QTRT1: variants seen among roughly 807,000 people sequenced by gnomAD.
QTRT1 encodes the protein queuine tRNA-ribosyltransferase catalytic subunit 1.
A neutral mutation model predicts 44.0 loss-of-function variants in QTRT1; 41 were observed. That is an observed-to-expected ratio of 0.93 (90% CI 0.73 to 1.21). QTRT1 has a LOEUF of 1.21. Among genes scored for constraint, QTRT1 ranks in the 50% most tolerant of loss-of-function variants. The probability of loss-of-function intolerance (pLI) is 0.00; values close to 1 mark genes in which losing one functional copy is unlikely to be tolerated. For missense variants in QTRT1, 542 were observed against 575.8 expected, an observed-to-expected ratio of 0.94 and a Z score of 0.60; for synonymous variants, 226 against 237.1, an observed-to-expected ratio of 0.95 and a Z score of 0.43.
At position 10,702,028 on chromosome 19, in the gene QTRT1, G is replaced by C. The variant is rs770902752; in HGVS notation, c.312+10G>C. On this transcript the variant is annotated intron_variant, in intron 2 of 9. Coordinates refer to ENST00000250237, the MANE Select transcript of QTRT1 (RefSeq NM_031209.3). Reference sequence around the variant, plus strand: ...TCATAATCTGCTAACGGTGAGCTGAGGAGAGAGCCGACGTTCTAGGGCCCT... The same window carrying C: ...TCATAATCTGCTAACGGTGAGCTGACGAGAGAGCCGACGTTCTAGGGCCCT... 1 of 1,614,100 alleles carries C rather than the reference G, an allele frequency of 6.2e-7. No individual in the cohort carries two copies.
chr19:10,703,618 A>T (rs2068699895), intron 3 of QTRT1, among the ~76,000 whole-genome samples: 1 of 152,028 alleles, frequency 6.6e-6, no homozygotes, highest in Non-Finnish European at 1.5e-5. Context: ...CTCCTGGTTC[A>T]AGCAATTCGC....
Position 10,710,551 on chromosome 19 carries a change from G to A in QTRT1, c.647-1610G>A, listed in dbSNP as rs552583775. On this transcript the variant is annotated intron_variant, in intron 5 of 9. Transcript: ENST00000250237. ...AGGCTGGTCTCGAACTCCTGACCTC[G>A]TGATCCACCTGCCTTGGCCTCCCAA... Among the ~76,000 whole-genome samples, 4 of 152,100 alleles carry A rather than the reference G, an allele frequency of 2.6e-5. No individual in the cohort carries two copies. In the East Asian group the frequency reaches 5.8e-4, roughly 22 times the overall value.
rs2068719435 is a variant in QTRT1, at chr19:10,707,506, C to T, written c.537C>T (p.Ile179=). 6.2e-7 allele frequency: 1 copy of T among 1,611,602 alleles called. No individual in the cohort carries two copies. Reference sequence around the variant, plus strand: ...GACTGGGGCCCTGTTGCAGGTCAATCCGCTGGCTGGACCGGTGCATTGCAG... The same window carrying T: ...GACTGGGGCCCTGTTGCAGGTCAATTCGCTGGCTGGACCGGTGCATTGCAG... ...PRVEEAMYRS[I]RWLDRCIAAH... is the part of the protein sequence containing the mutation. The change falls in exon 5 of 10, where the codon ATC becomes ATT. Residue 179 remains isoleucine, a synonymous_variant. Transcript: ENST00000250237.
rs958489850 is a variant in QTRT1 at position 10,701,854 on chromosome 19, G to A, written c.244-96G>A. On this transcript the variant is annotated intron_variant, in intron 1 of 9. Coordinates refer to ENST00000250237, the MANE Select transcript of QTRT1 (RefSeq NM_031209.3). ...ACCAGGCCTTGTACTGGGCGTGAAA[G>A]AGCAGCAGGGACTAAAGCTGGCCAG... The A allele has an allele frequency of 1.6e-5, 26 of 1,577,078 alleles. No individual in the cohort carries two copies. The African/African-American group carries it at 1.8e-4, about 11-fold the overall frequency.
intron 5 of QTRT1, chr19:10,711,097 C>T (rs1568253904): frequency 6.6e-6 from 1 of 152,228 alleles, no homozygotes; most frequent in Admixed American, 6.6e-5. Context: ...TTTCCTCCAC[C>T]AAGTCTTAAC....
intron 5 of QTRT1, among the ~76,000 whole-genome samples, chr19:10,710,796 G>A (rs564520575): frequency 2.0e-5 from 3 of 151,670 alleles, no homozygotes; most frequent in East Asian, 2.0e-4. Flanking sequence ...GGTGGTGGGC[G>A]ACTGTAGTCC....
intron 5 of QTRT1, among the ~76,000 whole-genome samples, chr19:10,710,417 A>G (rs1242465798): frequency 3.3e-5 from 5 of 151,864 alleles, no homozygotes; most frequent in Admixed American, 2.0e-4. Context: ...TCTGGTTTCA[A>G]GCGATTCTCC....
In QTRT1 at chr19:10,701,442, C is replaced by A; in HGVS notation, c.-19C>A. The A allele has an allele frequency of 6.5e-7, 1 of 1,533,202 alleles. No homozygotes were observed. Among genetic ancestry groups the A allele is most frequent in the Non-Finnish European group, 8.8e-7 (1 of 1,139,616 alleles). 95.0% of individuals were successfully genotyped at this position (1,533,202 alleles called of 1,614,324 possible). A position where few individuals can be genotyped will look rare whatever the true frequency, so the allele number is the denominator to read the frequency against. On this transcript the variant is annotated 5_prime_UTR_variant, in exon 1 of 10. Coordinates refer to ENST00000250237, the MANE Select transcript of QTRT1 (RefSeq NM_031209.3). ...GCCGCCCACTGTGTGGTACGGCCCA[C>A]GTGGTTCCGACAGTCAAGATGGCGG...
At chr19:10,704,221 TTTGCC>T (rs1345642168) in intron 3 of QTRT1, among the ~76,000 whole-genome samples, 1 of 152,102 alleles carries the variant, frequency 6.6e-6, no homozygotes, top group Non-Finnish European at 1.5e-5. Context: ...CAAACAGTCC[TTTGCC>T]TTGACCATTC....
At chr19:10,708,130 A>C (rs903650095) in intron 5 of QTRT1, among the ~76,000 whole-genome samples, 9 of 151,590 alleles carry the variant, frequency 5.9e-5, no homozygotes, top group African/African-American at 2.2e-4. Context: ...AGGCCCGGCT[A>C]ATTTTTGTAT....
chr19:10,706,626 G>C (rs2068714698), intron 3 of QTRT1: 1 of 151,312 alleles, frequency 6.6e-6, no homozygotes, highest in Admixed American at 6.6e-5. Context: ...ACCTGGGTTG[G>C]CCTTCCAAAG....
In QTRT1 at chr19:10,712,963, G is replaced by A. The variant is rs767334871; in HGVS notation, c.982G>A (p.Ala328Thr). Residue 328 changes from alanine (A) to threonine (T), a missense_variant, in exon 9 of 10, where the codon GCC (alanine) becomes ACC (threonine). Coordinates refer to ENST00000250237, the MANE Select transcript of QTRT1 (RefSeq NM_031209.3). The surrounding 1 kb of genome is among the most constrained non-coding windows in gnomAD (Gnocchi z 5.6). ...TCPTCQKHSR[A>T]FLHALLHSDN... The stretch of plus-strand genomic sequence containing the variant: ...CCTGCCGCTCTACAGGCACAGCCGC[G>A]CCTTCCTGCACGCACTGCTGCACAG... The A allele has an allele frequency of 5.6e-6, 9 of 1,612,800 alleles. No homozygotes were observed. Among genetic ancestry groups the A allele is most frequent in the Non-Finnish European group, 7.6e-6 (9 of 1,179,954 alleles).
chr19:10,702,662 A>T (rs2068695408), intron 3 of QTRT1, among the ~76,000 whole-genome samples: 1 of 152,062 alleles, frequency 6.6e-6, no homozygotes, highest in African/African-American at 2.4e-5. Flanking sequence ...ATAAAAAATA[A>T]AAAAAACAAA....
chr19:10,712,276 GC>G lies in QTRT1; in HGVS notation c.766del (p.Arg256AspfsTer3). ...GCACCTCTCGGCTGCCGAAGGACAAGCCCCGATATCTGATGGGGGTTGGGTA... is the reference window on the plus strand; with the variant it reads ...GCACCTCTCGGCTGCCGAAGGACAAGCCCGATATCTGATGGGGGTTGGGTA... ...LSTSRLPKDKPRYLMGVGYAT... is the reference protein window; with the variant it reads ...LSTSRLPKDKXRYLMGVGYAT... On this transcript the variant is annotated frameshift_variant, in exon 6 of 10. Transcript: ENST00000250237. LOFTEE classifies it high-confidence loss of function. This position sits in a 1 kb window ranked among gnomAD's most constrained non-coding sequence, Gnocchi z 5.6. The G allele has an allele frequency of 6.2e-7, 1 of 1,613,554 alleles. No individual in the cohort carries two copies. Among genetic ancestry groups the G allele is most frequent in the Non-Finnish European group, 8.5e-7 (1 of 1,179,748 alleles).
At chr19:10,710,696 C>T (rs182120496) in intron 5 of QTRT1, among the ~76,000 whole-genome samples, 38 of 151,772 alleles carry the variant, frequency 2.5e-4, no homozygotes, top group African/African-American at 8.7e-4. Context: ...CTGCAGTGGG[C>T]GGATTACCTG....
At position 10,710,925 on chromosome 19, in the gene QTRT1, A is replaced by G. The variant is rs529839575; in HGVS notation, c.647-1236A>G. The stretch of plus-strand genomic sequence containing the variant: ...ATGACAAGAGCAAAACTCCATCTCA[A>G]AAAAAAAAAAAAAAAAATTAAGTTC... On this transcript the variant is annotated intron_variant, in intron 5 of 9. Coordinates refer to ENST00000250237, the MANE Select transcript of QTRT1 (RefSeq NM_031209.3). 2.1e-5 allele frequency: 3 copies of G among 144,556 alleles called. No homozygotes were observed. The South Asian group carries it at 6.4e-4, about 31-fold the overall frequency. 9.0% of individuals were successfully genotyped at this position (144,556 alleles called of 1,614,324 possible).
Position 10,701,719 on chromosome 19 carries a change from C to T in QTRT1, c.243+16C>T. The T allele has an allele frequency of 6.4e-7, 1 of 1,567,348 alleles. No individual in the cohort carries two copies. Among genetic ancestry groups the T allele is most frequent in the South Asian group, 1.1e-5 (1 of 87,060 alleles). On this transcript the variant is annotated intron_variant, in intron 1 of 9. Transcript: ENST00000250237. Reference sequence around the variant, plus strand: ...TCTAAGGCCGGTGGGTGGGCTCTGCCCGCGCGGGGAGGCGGCGAGGCGGCG... The same window carrying T: ...TCTAAGGCCGGTGGGTGGGCTCTGCTCGCGCGGGGAGGCGGCGAGGCGGCG...
chr19:10,712,478 C>T lies in QTRT1; in HGVS notation c.786-75C>T. ...TGAGGGAATATGGCCCAGTCTGGGG[C>T]AGTGTGAGGGTTGGGAGGGGCCCTG... On this transcript the variant is annotated intron_variant, in intron 6 of 9. Coordinates refer to ENST00000250237, the MANE Select transcript of QTRT1 (RefSeq NM_031209.3). The surrounding 1 kb of genome is among the most constrained non-coding windows in gnomAD (Gnocchi z 5.6). The T allele has an allele frequency of 6.8e-7, 1 of 1,475,104 alleles. No individual in the cohort carries two copies. The allele number at this position is 1,475,104 out of a possible 1,614,324, so 91.4% of individuals were successfully genotyped here.
rs868134700 is a variant in QTRT1 at position 10,701,686 on chromosome 19, C to G, written c.226C>G (p.His76Asp). The change falls in exon 1 of 10, where the codon CAT becomes GAT. Residue 76 changes from histidine to aspartate, a missense_variant. Coordinates refer to ENST00000250237, the MANE Select transcript of QTRT1 (RefSeq NM_031209.3). ...GCRICLGNTY[H>D]LGLRPGPELI... ...CCGCATCTGCCTGGGCAATACCTACCATCTGGGTCTAAGGCCGGTGGGTGG... is the reference window on the plus strand; with the variant it reads ...CCGCATCTGCCTGGGCAATACCTACGATCTGGGTCTAAGGCCGGTGGGTGG... The G allele has an allele frequency of 1.3e-6, 2 of 1,582,880 alleles. No individual in the cohort carries two copies. Among genetic ancestry groups the G allele is most frequent in the Non-Finnish European group, 8.6e-7 (1 of 1,165,504 alleles).
Sources: gnomAD v4.1 joint callset for allele counts (sites outside exome capture counted in the v4.1 genomes callset) on GRCh38, gnomAD v4.1.1 for gene constraint, Gnocchi (gnomAD v3.1) non-coding constraint, MANE v1.5 for transcripts, NCBI Gene and HGNC (gene_info 2026-07-23, HGNC 2026-07-21) for gene names.